TSC22D2: variants seen among roughly 807,000 people sequenced by gnomAD.
The protein encoded by TSC22D2 is TSC22 domain family protein 2.
TSC22D2 carries 5 observed loss-of-function variants against 50.1 expected under a neutral mutation model. That is an observed-to-expected ratio of 0.10 (90% CI 0.05 to 0.21). The LOEUF is 0.21. TSC22D2 is among the 10% of genes least tolerant of loss of function. The pLI, the probability that TSC22D2 is intolerant of heterozygous loss-of-function variation, is 1.00. For synonymous variants in TSC22D2, 501 were observed against 450.1 expected (o/e 1.11, Z -1.43); for missense variants, 1,003 against 1,015.5 (o/e 0.99, Z 0.17).
intron 1 of TSC22D2, among the ~76,000 whole-genome samples, chr3:150,452,457 A>AG (rs1491332764): frequency 2.0e-5 from 3 of 147,690 alleles, no homozygotes; most frequent in Non-Finnish European, 3.0e-5. Flanking sequence ...AAAAAAAAAA[A>AG]GAGAGAGAGA....
At chr3:150,421,872 T>C (rs1720021959) in intron 1 of TSC22D2, among the ~76,000 whole-genome samples, 1 of 152,192 alleles carries the variant, frequency 6.6e-6, no homozygotes, top group Admixed American at 6.5e-5. Flanking sequence ...ATGTAACCAG[T>C]TAACAGATAA....
Position 150,410,244 on chromosome 3 carries a change from C to T in TSC22D2, c.894C>T (p.Ala298=), listed in dbSNP as rs763349740. The T allele has an allele frequency of 4.5e-6, 7 of 1,561,976 alleles. No individual in the cohort carries two copies. The highest frequency in any genetic ancestry group is 5.2e-6 in the Non-Finnish European group (6 of 1,154,142). Residue 298 remains alanine, a synonymous_variant, in exon 1 of 3, where the codon GCC becomes GCT. Coordinates refer to ENST00000688009, the MANE Select transcript of TSC22D2 (RefSeq NM_001303264.2). ...CTCCGCTGCCGCCGTTCCCGGGAGC[C>T]GCGACCGGGCCGCAGCCAATGATGG... ...SSAPLPPFPG[A]ATGPQPMMAA...
At chr3:150,411,426 T>G in intron 1 of TSC22D2, 118 bp downstream of exon 1, 1 of 1,174,418 alleles carries the variant, frequency 8.5e-7, no homozygotes, top group Non-Finnish European at 1.2e-6. Context: ...AATACAAAAT[T>G]TAGTTTTTGG....
In TSC22D2 at chr3:150,409,945, G is replaced by A; in HGVS notation, c.595G>A (p.Gly199Arg). The A allele has an allele frequency of 6.2e-7, 1 of 1,613,996 alleles. No individual in the cohort carries two copies. The highest frequency in any genetic ancestry group is 8.5e-7 in the Non-Finnish European group (1 of 1,180,030). Reference protein sequence around the residue: ...DSDSSVLTRSGDCIRHSSTFD... With the variant: ...DSDSSVLTRSRDCIRHSSTFD... ...AGACAGCAGCGTCCTGACTAGATCCGGGGATTGCATTAGACACAGCAGTAC... is the reference window on the plus strand; with the variant it reads ...AGACAGCAGCGTCCTGACTAGATCCAGGGATTGCATTAGACACAGCAGTAC... The change falls in exon 1 of 3, where the codon GGG (glycine) becomes AGG (arginine). Residue 199 changes from glycine (G) to arginine (R), a missense_variant. Physicochemically the swap from Gly to Arg is moderately radical, Grantham distance 125. Around this residue, in one of 6 missense-constraint regions of TSC22D2, gnomAD observed 696 missense variants for 647.8 expected, o/e 1.07. Transcript: ENST00000688009. The surrounding 1 kb of genome is among the most constrained non-coding windows in gnomAD (Gnocchi z 7.4).
rs1719555641 is a variant in TSC22D2, at chr3:150,411,249, G to T, written c.1899G>T (p.Met633Ile). The T allele has an allele frequency of 6.2e-7, 1 of 1,614,170 alleles. No individual in the cohort carries two copies. Among genetic ancestry groups the T allele is most frequent in the East Asian group, 2.2e-5 (1 of 44,888 alleles). Residue 633 changes from methionine (M) to isoleucine (I), a missense_variant, in exon 1 of 3, where the codon ATG becomes ATT. Met to Ile is a conservative substitution (Grantham distance 10). Transcript: ENST00000688009. Reference protein sequence around the residue: ...SLANPLQLTPMNSLATSVFSI... With the variant: ...SLANPLQLTPINSLATSVFSI... ...CAAACCCCCTTCAGTTAACACCTATGAACAGTCTGGCCACCTCTGTATTCA... is the reference window on the plus strand; with the variant it reads ...CAAACCCCCTTCAGTTAACACCTATTAACAGTCTGGCCACCTCTGTATTCA...
rs1388850360 is a variant in TSC22D2 at position 150,415,270 on chromosome 3, AT to A, written c.1958+3966del. On this transcript the variant is annotated intron_variant, in intron 1 of 2. Transcript: ENST00000688009. ...TTCACAGTGACACATACTGTATAAA[AT>A]TTTATGTGCACTAAATCATATAGGC... Among the ~76,000 whole-genome samples, 6 of 152,296 alleles carry A rather than the reference AT, an allele frequency of 3.9e-5. No homozygotes were observed. The South Asian group carries it at 6.2e-4, about 16-fold the overall frequency.
At chr3:150,427,324 C>T (rs1191721003) in intron 1 of TSC22D2, among the ~76,000 whole-genome samples, 1 of 152,052 alleles carries the variant, frequency 6.6e-6, no homozygotes, top group African/African-American at 2.4e-5. Flanking sequence ...CTTTCATGTC[C>T]TCTTCATGCC....
Position 150,409,725 on chromosome 3 carries a change from C to G in TSC22D2, c.375C>G (p.Ala125=), listed in dbSNP as rs1464144014. ...GALASTLAAA[A]TSAPAPGAPG... is the part of the protein sequence containing the mutation. The stretch of plus-strand genomic sequence containing the variant: ...TCGCCAGTACCCTGGCGGCGGCTGC[C>G]ACTTCGGCCCCCGCCCCCGGAGCAC... Residue 125 remains alanine, a synonymous_variant, in exon 1 of 3, where the codon GCC becomes GCG. Coordinates refer to ENST00000688009, the MANE Select transcript of TSC22D2 (RefSeq NM_001303264.2). This position sits in a 1 kb window ranked among gnomAD's most constrained non-coding sequence, Gnocchi z 7.4. The G allele has an allele frequency of 6.3e-7, 1 of 1,599,684 alleles. No homozygotes were observed. The highest frequency in any genetic ancestry group is 8.5e-7 in the Non-Finnish European group (1 of 1,176,416).
At chr3:150,445,674 T>C (rs1425349455) in intron 1 of TSC22D2, among the ~76,000 whole-genome samples, 2 of 152,222 alleles carry the variant, frequency 1.3e-5, no homozygotes, top group Non-Finnish European at 2.9e-5. Context: ...TTGTGTGTAC[T>C]GTTGTAAACA....
intron 1 of TSC22D2, among the ~76,000 whole-genome samples, chr3:150,421,888 C>A (rs759831172): frequency 1.3e-5 from 2 of 152,180 alleles, no homozygotes; most frequent in Non-Finnish European, 2.9e-5. Context: ...GATAAAGAGA[C>A]AGACTTTTAA....
At chr3:150,456,848 A>C in intron 1 of TSC22D2, 2 of 495,552 alleles carry the variant, frequency 4.0e-6, no homozygotes, top group South Asian at 5.0e-5. Flanking sequence ...TATTACAGGC[A>C]AATTAGAAAT....
intron 1 of TSC22D2, among the ~76,000 whole-genome samples, chr3:150,430,313 G>T (rs1720337936): frequency 6.6e-6 from 1 of 152,092 alleles, no homozygotes. Flanking sequence ...AGTTAAATTT[G>T]GTAGGTGTAT....
intron 1 of TSC22D2, among the ~76,000 whole-genome samples, chr3:150,440,442 AATAT>A (rs1720679645): frequency 6.7e-6 from 1 of 148,350 alleles, no homozygotes; most frequent in African/African-American, 2.5e-5. Context: ...AATATAAGCA[AATAT>A]ATGTGTATTT....
At chr3:150,441,698 G>C (rs538646823) in intron 1 of TSC22D2, among the ~76,000 whole-genome samples, 1 of 152,202 alleles carries the variant, frequency 6.6e-6, no homozygotes, top group East Asian at 1.9e-4. Flanking sequence ...AGGGTGCAGT[G>C]AGCCATGATC....
chr3:150,425,112 ATTGT>A (rs1405166581), intron 1 of TSC22D2, among the ~76,000 whole-genome samples: 9 of 152,286 alleles, frequency 5.9e-5, no homozygotes, highest in Admixed American at 4.6e-4. Flanking sequence ...TCTGACCTTG[ATTGT>A]TCTGGAAATC....
At chr3:150,414,408 T>G (rs1489552310) in intron 1 of TSC22D2, among the ~76,000 whole-genome samples, 2 of 152,156 alleles carry the variant, frequency 1.3e-5, no homozygotes, top group Admixed American at 6.5e-5. Context: ...TACTGGCCCT[T>G]TTGGAAAAGG....
At chr3:150,439,824 A>T (rs1236873833) in intron 1 of TSC22D2, among the ~76,000 whole-genome samples, 3 of 152,142 alleles carry the variant, frequency 2.0e-5, no homozygotes, top group African/African-American at 7.2e-5. Flanking sequence ...TGGTCATATG[A>T]CTTCTACTGA....
intron 1 of TSC22D2, among the ~76,000 whole-genome samples, chr3:150,444,055 T>C (rs559421517): frequency 6.9e-6 from 1 of 143,998 alleles, no homozygotes; most frequent in East Asian, 1.9e-4. Context: ...CGTTTTTCTA[T>C]TTACATCAGT....
chr3:150,451,044 A>G (rs1215711218), intron 1 of TSC22D2, among the ~76,000 whole-genome samples: 1 of 152,124 alleles, frequency 6.6e-6, no homozygotes, highest in Non-Finnish European at 1.5e-5. Context: ...TTTCTGAAGA[A>G]TCAGTTTTAG....
Sources: gnomAD v4.1 joint callset for allele counts (sites outside exome capture counted in the v4.1 genomes callset) on GRCh38, gnomAD v4.1.1 for gene constraint, gnomAD v4.1.1 regional missense constraint, Gnocchi (gnomAD v3.1) non-coding constraint, MANE v1.5 for transcripts, NCBI Gene and HGNC (gene_info 2026-07-23, HGNC 2026-07-21) for gene names.